Variants in USP38 observed in about 807,000 individuals in gnomAD.
USP38 encodes the protein ubiquitin specific peptidase 38.
USP38 carries 49 observed loss-of-function variants against 94.3 expected under a neutral mutation model. That is an observed-to-expected ratio of 0.52 (90% confidence interval 0.41 to 0.66). The LOEUF is 0.66. Among genes scored for constraint, USP38 ranks in the 30% least tolerant of loss-of-function variants. The probability of loss-of-function intolerance (pLI) is 0.00; values close to 1 mark genes in which losing one functional copy is unlikely to be tolerated. For synonymous variants in USP38, 468 were observed against 463.6 expected, an observed-to-expected ratio of 1.01 and a Z score of -0.12; for missense variants, 1,128 against 1,229.4, an observed-to-expected ratio of 0.92 and a Z score of 1.23.
chr4:143,218,595 A>G (rs897602424), intron 9 of USP38, among the ~76,000 whole-genome samples: 9 of 152,142 alleles, frequency 5.9e-5, no homozygotes, highest in African/African-American at 2.2e-4. Flanking sequence ...ATCTTGAAAT[A>G]TAATGTAGGT....
chr4:143,209,505 T>TTTTA, intron 6 of USP38, 59 bp from the exon 7 acceptor site: 1 of 1,057,802 alleles, frequency 9.5e-7, no homozygotes, highest in East Asian at 2.8e-5. Context: ...AAAAAAAAGC[T>TTTTA]TTTAATAAAT....
chr4:143,205,039 A>G (rs1731822350), intron 5 of USP38, among the ~76,000 whole-genome samples: 1 of 152,190 alleles, frequency 6.6e-6, no homozygotes, highest in African/African-American at 2.4e-5. Flanking sequence ...TATGTTCAGG[A>G]GCATTGTGAA....
chr4:143,191,055 T>G (rs1273554934), intron 2 of USP38, among the ~76,000 whole-genome samples: 2 of 152,286 alleles, frequency 1.3e-5, no homozygotes, highest in East Asian at 3.9e-4. Flanking sequence ...TGCGTGATCC[T>G]ATGTACCCAT....
chr4:143,197,505 A>G (rs1214704696), intron 3 of USP38, among the ~76,000 whole-genome samples: 4 of 152,188 alleles, frequency 2.6e-5, no homozygotes, highest in Non-Finnish European at 4.4e-5. Flanking sequence ...AAGTAATAGT[A>G]TGTGCTTAAC....
intron 5 of USP38, chr4:143,204,527 C>T (rs1333494639): frequency 1.1e-4 from 42 of 398,284 alleles, no homozygotes; most frequent in Middle Eastern, 4.8e-4. Context: ...GTAGCTGGGA[C>T]TCCAGGTGCA....
At position 143,185,967 on chromosome 4, in the gene USP38, C is replaced by G; in HGVS notation, c.517C>G (p.Arg173Gly). 1 of 1,614,152 alleles carries G rather than the reference C, an allele frequency of 6.2e-7. No individual in the cohort carries two copies. The highest frequency in any genetic ancestry group is 8.5e-7 in the Non-Finnish European group (1 of 1,180,036). The change falls in exon 1 of 10, where the codon CGA becomes GGA. Residue 173 changes from arginine to glycine, a missense_variant. Physicochemically the swap from Arg to Gly is moderately radical, Grantham distance 125. Coordinates refer to ENST00000307017, the MANE Select transcript of USP38 (RefSeq NM_032557.6). ...LSITFCQQLV[R>G]TIGHFQCVST... ...CATCACGTTCTGTCAACAGCTGGTT[C>G]GAACGATAGGCCATTTCCAGTGCGT...
chr4:143,203,284 C>G, intron 4 of USP38, 124 bp from the exon 5 acceptor site: 1 of 967,004 alleles, frequency 1.0e-6, no homozygotes. Flanking sequence ...ACAAGAAAAA[C>G]TCTGTGACTG....
At chr4:143,213,502 A>G (rs574682458) in intron 8 of USP38, 79 bp from the exon 9 acceptor site, 1,267 of 1,353,606 alleles carry the variant, frequency 9.4e-4, no homozygotes, top group Non-Finnish European at 1.2e-3. Flanking sequence ...AATAGTTTAT[A>G]GAAGCCACTA....
intron 3 of USP38, among the ~76,000 whole-genome samples, chr4:143,196,104 A>G (rs1474277818): frequency 6.6e-6 from 1 of 152,088 alleles, no homozygotes; most frequent in Admixed American, 6.6e-5. Flanking sequence ...CCAGGAGTTC[A>G]AGACCAGCCT....
Position 143,220,565 on chromosome 4 carries a change from CT to C in USP38, c.*111del, listed in dbSNP as rs1172207230. The C allele has an allele frequency of 3.3e-5, 36 of 1,101,270 alleles. No individual in the cohort carries two copies. The highest frequency in any genetic ancestry group is 3.8e-5 in the Non-Finnish European group (32 of 836,552). The allele number at this position is 1,101,270 out of a possible 1,614,324, so 68.2% of individuals were successfully genotyped here. On this transcript the variant is annotated 3_prime_UTR_variant, in exon 10 of 10. Coordinates refer to ENST00000307017, the MANE Select transcript of USP38 (RefSeq NM_032557.6). The stretch of plus-strand genomic sequence containing the variant: ...TTTTATTTTTCATTAGACCCTTATA[CT>C]TCAAGAGAACACACTCAGTGCTTGT...
intron 2 of USP38, among the ~76,000 whole-genome samples, 194 bp from the exon 3 acceptor site, chr4:143,195,522 A>G (rs1731517893): frequency 6.6e-6 from 1 of 152,252 alleles, no homozygotes; most frequent in African/African-American, 2.4e-5. Context: ...AGAAACTGTC[A>G]GTTTACAAGA....
intron 2 of USP38, among the ~76,000 whole-genome samples, chr4:143,190,802 C>T (rs4413361): frequency 0.72 from 109,805 of 151,860 alleles, 40,122 homozygotes; most frequent in East Asian, 0.83. Context: ...CTTATGTCAA[C>T]CATGTGGACT....
chr4:143,187,793 C>T, intron 1 of USP38, 33 bp from the exon 2 acceptor site: 3 of 1,583,070 alleles, frequency 1.9e-6, no homozygotes, highest in Non-Finnish European at 2.6e-6. Flanking sequence ...ACCTACTTGC[C>T]ATGTTCCCTT....
intron 2 of USP38, among the ~76,000 whole-genome samples, chr4:143,190,290 A>C (rs115153455): frequency 2.2e-3 from 332 of 152,216 alleles, no homozygotes; most frequent in African/African-American, 7.9e-3. Flanking sequence ...TACATGACAT[A>C]AACTATTTAA....
At chr4:143,215,771 T>C (rs978355283) in intron 9 of USP38, among the ~76,000 whole-genome samples, 3 of 152,120 alleles carry the variant, frequency 2.0e-5, no homozygotes, top group Non-Finnish European at 4.4e-5. Context: ...TGAGCCACTA[T>C]AGTACTGATT....
At chr4:143,188,970 A>T (rs1731312325) in intron 2 of USP38, among the ~76,000 whole-genome samples, 1 of 152,040 alleles carries the variant, frequency 6.6e-6, no homozygotes, top group Non-Finnish European at 1.5e-5. Flanking sequence ...TTTGTTTTAG[A>T]TTTGATTAAA....
rs1275983372 is a variant in USP38, at chr4:143,223,704, A to G, written c.*3248A>G. ...GTTCCAGGTCTTTAATTCTCAGTCCATCTTTTCCTATGATTGTGTACTTCA... is the reference window on the plus strand; with the variant it reads ...GTTCCAGGTCTTTAATTCTCAGTCCGTCTTTTCCTATGATTGTGTACTTCA... On this transcript the variant is annotated 3_prime_UTR_variant, in exon 10 of 10. Transcript: ENST00000307017. 2.0e-5 allele frequency: 3 copies of G among 152,096 alleles called. No individual in the cohort carries two copies. Among genetic ancestry groups the G allele is most frequent in the Admixed American group, 6.6e-5 (1 of 15,244 alleles). 9.4% of individuals were successfully genotyped at this position (152,096 alleles called of 1,614,324 possible).
Position 143,220,628 on chromosome 4 carries a change from C to A in USP38, c.*172C>A. ...TGACACATTTATTAACAAAATGCAT[C>A]ATGGAAAAAAAAATCTACCTCTTAA... On this transcript the variant is annotated 3_prime_UTR_variant, in exon 10 of 10. Transcript: ENST00000307017. The A allele has an allele frequency of 1.6e-6, 1 of 637,840 alleles. No individual in the cohort carries two copies. The allele number at this position is 637,840 out of a possible 1,614,324, so 39.5% of individuals were successfully genotyped here. A position where few individuals can be genotyped will look rare whatever the true frequency, so the allele number is the denominator to read the frequency against.
Position 143,220,891 on chromosome 4 carries a change from TATTAA to T in USP38, c.*439_*443del, listed in dbSNP as rs1424016869. On this transcript the variant is annotated 3_prime_UTR_variant, in exon 10 of 10. Coordinates refer to ENST00000307017, the MANE Select transcript of USP38 (RefSeq NM_032557.6). ...TTTACGTCTTGTGTAATTACCCCATTATTAAATTCAAGTCCTTGAAAATCAACTAG... is the reference window on the plus strand; with the variant it reads ...TTTACGTCTTGTGTAATTACCCCATTATTCAAGTCCTTGAAAATCAACTAG... 1 of 152,544 alleles carries T rather than the reference TATTAA, an allele frequency of 6.6e-6. No individual in the cohort carries two copies. The highest frequency in any genetic ancestry group is 1.5e-5 in the Non-Finnish European group (1 of 68,158). 9.4% of individuals were successfully genotyped at this position (152,544 alleles called of 1,614,324 possible).
Sources: gnomAD v4.1 joint callset for allele counts (sites outside exome capture counted in the v4.1 genomes callset) on GRCh38, gnomAD v4.1.1 for gene constraint, MANE v1.5 for transcripts, NCBI Gene and HGNC (gene_info 2026-07-23, HGNC 2026-07-21) for gene names.